Variants in SNX29 observed in about 807,000 individuals in gnomAD.
SNX29 encodes sorting nexin-29.
Under a neutral mutation model 102.1 loss-of-function variants are expected in SNX29, and 78 were observed. That is an observed-to-expected ratio of 0.76 (90% confidence interval 0.64 to 0.92). The LOEUF is 0.92. Among genes scored for constraint, SNX29 ranks in the 40% least tolerant of loss-of-function variants. The probability of loss-of-function intolerance (pLI) is 0.00; values close to 1 mark genes in which losing one functional copy is unlikely to be tolerated. For missense variants in SNX29, 1,280 were observed against 1,061.7 expected (o/e 1.21, Z -2.86); for synonymous variants, 580 against 414.5 (o/e 1.40, Z -4.85).
intron 20 of SNX29, among the ~76,000 whole-genome samples, chr16:12,563,461 A>T (rs977340940): frequency 6.6e-6 from 1 of 152,224 alleles, no homozygotes; most frequent in African/African-American, 2.4e-5. Flanking sequence ...AGGAAACCTA[A>T]TAGGGTAAAA....
intron 20 of SNX29, among the ~76,000 whole-genome samples, chr16:12,553,396 T>G (rs991113597): frequency 1.3e-5 from 2 of 152,040 alleles, no homozygotes; most frequent in Non-Finnish European, 2.9e-5. Flanking sequence ...AACATATAAG[T>G]AGTTCTGGTG....
intron 19 of SNX29, 140 bp downstream of exon 19, chr16:12,477,999 A>G (rs146232348): frequency 1.0e-6 from 1 of 1,003,714 alleles, no homozygotes. Context: ...TAGAGAAAAG[A>G]AATAGCCATT....
chr16:12,427,225 G>A (rs1423172442), intron 18 of SNX29, among the ~76,000 whole-genome samples: 1 of 151,914 alleles, frequency 6.6e-6, no homozygotes. Context: ...CACCATGCAG[G>A]GTTTCAGACT....
At chr16:12,184,258 G>A (rs970925687) in intron 13 of SNX29, among the ~76,000 whole-genome samples, 11 of 152,150 alleles carry the variant, frequency 7.2e-5, no homozygotes, top group African/African-American at 2.7e-4. Flanking sequence ...TTCCTAAAGT[G>A]TCTTTTATAG....
At chr16:12,021,598 A>T (rs193189350) in intron 3 of SNX29, among the ~76,000 whole-genome samples, 1 of 152,224 alleles carries the variant, frequency 6.6e-6, no homozygotes, top group Admixed American at 6.5e-5. Context: ...GTCTTGAAAT[A>T]TAGGACAGGC....
intron 11 of SNX29, among the ~76,000 whole-genome samples, chr16:12,097,520 C>T (rs1319647487): frequency 2.0e-5 from 3 of 149,806 alleles, no homozygotes; most frequent in Non-Finnish European, 4.4e-5. Flanking sequence ...CATTTCTGTG[C>T]TCTTGGTTTG....
chr16:12,282,291 G>A (rs2079460553), intron 15 of SNX29, among the ~76,000 whole-genome samples: 1 of 152,102 alleles, frequency 6.6e-6, no homozygotes, highest in Non-Finnish European at 1.5e-5. Context: ...GTAGATAACA[G>A]CAACTGCAGC....
chr16:12,163,125 G>T (rs771082038), intron 13 of SNX29, among the ~76,000 whole-genome samples: 8 of 152,128 alleles, frequency 5.3e-5, no homozygotes, highest in Non-Finnish European at 1.0e-4. Context: ...CAGGTGATAC[G>T]CCCACCTTGG....
chr16:12,243,865 T>G (rs2078184090), intron 14 of SNX29, among the ~76,000 whole-genome samples: 1 of 152,186 alleles, frequency 6.6e-6, no homozygotes, highest in African/African-American at 2.4e-5. Context: ...CTGTTAAAAC[T>G]TTGTATCTTT....
At chr16:12,382,742 T>G (rs948279850) in intron 16 of SNX29, among the ~76,000 whole-genome samples, 2 of 152,200 alleles carry the variant, frequency 1.3e-5, no homozygotes, top group African/African-American at 2.4e-5. Flanking sequence ...TAGGGGAAGA[T>G]CCTTCCCTGT....
chr16:12,470,455 G>A (rs915972269), intron 18 of SNX29, among the ~76,000 whole-genome samples: 4 of 152,184 alleles, frequency 2.6e-5, no homozygotes, highest in African/African-American at 7.2e-5. Context: ...TCTTGCCCGG[G>A]AACCTGGGGG....
intron 20 of SNX29, among the ~76,000 whole-genome samples, chr16:12,535,802 T>C (rs551722599): frequency 2.2e-4 from 33 of 152,186 alleles, no homozygotes; most frequent in African/African-American, 7.9e-4. Flanking sequence ...CCGCAGCCAC[T>C]GTGTAAGCCT....
chr16:12,249,265 T>C (rs915023837), intron 14 of SNX29, among the ~76,000 whole-genome samples: 2 of 152,178 alleles, frequency 1.3e-5, no homozygotes, highest in African/African-American at 2.4e-5. Flanking sequence ...GGTCCTTGGC[T>C]CTGGCTGCTG....
chr16:12,325,207 C>T (rs1399736061), intron 15 of SNX29, among the ~76,000 whole-genome samples: 1 of 152,144 alleles, frequency 6.6e-6, no homozygotes. Context: ...GACTATAGCC[C>T]TTCCAGTGTG....
intron 15 of SNX29, among the ~76,000 whole-genome samples, chr16:12,291,059 A>C (rs1427756569): frequency 6.6e-6 from 1 of 152,134 alleles, no homozygotes; most frequent in South Asian, 2.1e-4. Flanking sequence ...TGGCCTCAGG[A>C]AAAGTCTGGC....
intron 20 of SNX29, among the ~76,000 whole-genome samples, chr16:12,549,630 G>A (rs1011779774): frequency 6.6e-6 from 1 of 152,208 alleles, no homozygotes; most frequent in East Asian, 1.9e-4. Context: ...CACACGCTCT[G>A]TAAAGAGCAT....
At chr16:12,013,534 T>G (rs1236514937) in intron 3 of SNX29, among the ~76,000 whole-genome samples, 5 of 112,030 alleles carry the variant, frequency 4.5e-5, no homozygotes, top group African/African-American at 1.7e-4. Context: ...TATATATATA[T>G]ATATATATCG....
intron 15 of SNX29, among the ~76,000 whole-genome samples, chr16:12,301,519 C>G (rs2080172880): frequency 6.6e-6 from 1 of 152,258 alleles, no homozygotes. Flanking sequence ...CCCTGGCAGT[C>G]CAGTCTGATC....
intron 18 of SNX29, among the ~76,000 whole-genome samples, chr16:12,472,734 T>C (rs144777103): frequency 2.6e-4 from 39 of 152,222 alleles, no homozygotes; most frequent in African/African-American, 8.9e-4. Context: ...ATTCTGTTCA[T>C]TGACGGACTG....
Sources: allele counts gnomAD v4.1 joint callset (sites outside exome capture counted in the v4.1 genomes callset), GRCh38; gene constraint gnomAD v4.1.1; transcripts MANE v1.5; gene names NCBI Gene and HGNC (gene_info 2026-07-23, HGNC 2026-07-21).